Variants in STXBP5L observed in about 807,000 individuals in gnomAD.
STXBP5L encodes syntaxin binding protein 5L.
In STXBP5L, 65 loss-of-function variants were observed where a neutral mutation model predicts 144.5. That is an observed-to-expected ratio of 0.45 (90% confidence interval 0.37 to 0.55). STXBP5L has a LOEUF of 0.55. STXBP5L is among the 20% of genes least tolerant of loss of function. The pLI, the probability that STXBP5L is intolerant of heterozygous loss-of-function variation, is 0.00. For missense variants in STXBP5L, 1,298 were observed against 1,405.5 expected, an observed-to-expected ratio of 0.92 and a Z score of 1.22; for synonymous variants, 505 against 469.6, an observed-to-expected ratio of 1.08 and a Z score of -0.97.
rs187546980 is a variant in STXBP5L, at chr3:121,249,787, C to T, written c.1401-936C>T. The stretch of plus-strand genomic sequence containing the variant: ...GCTCCTGATCTTAGGGGAAAACATG[C>T]AATCTTTCATTATTATGTATGTTAG... On this transcript the variant is annotated intron_variant, in intron 14 of 26. Transcript: ENST00000471454. 1.5e-3 allele frequency among the ~76,000 whole-genome samples: 235 copies of T among 152,134 alleles called. 3 individuals are homozygous for T. Among genetic ancestry groups the T allele is most frequent in the African/African-American group, 5.3e-3 (220 of 41,540 alleles).
At chr3:121,301,873 G>T (rs1382592858) in intron 19 of STXBP5L, among the ~76,000 whole-genome samples, 4 of 152,166 alleles carry the variant, frequency 2.6e-5, no homozygotes, top group African/African-American at 7.2e-5. Flanking sequence ...TGTTGAACCA[G>T]CCTTGCATCC....
At chr3:121,027,192 A>G (rs1946012391) in intron 3 of STXBP5L, among the ~76,000 whole-genome samples, 2 of 151,990 alleles carry the variant, frequency 1.3e-5, no homozygotes, top group Non-Finnish European at 2.9e-5. Flanking sequence ...TGATCAAAAT[A>G]TGTCTCATTC....
intron 22 of STXBP5L, among the ~76,000 whole-genome samples, chr3:121,385,575 A>C (rs1405008948): frequency 6.6e-6 from 1 of 152,132 alleles, no homozygotes; most frequent in East Asian, 1.9e-4. Flanking sequence ...TATTTTTAAC[A>C]CTCTTTCATT....
At chr3:121,061,421 TGTG>T (rs1486609165) in intron 5 of STXBP5L, among the ~76,000 whole-genome samples, 2 of 152,198 alleles carry the variant, frequency 1.3e-5, no homozygotes, top group South Asian at 2.1e-4. Flanking sequence ...ATAAGTATGA[TGTG>T]GTGCTGAGGT....
intron 3 of STXBP5L, among the ~76,000 whole-genome samples, chr3:120,962,389 C>G (rs921640864): frequency 6.6e-6 from 1 of 152,152 alleles, no homozygotes; most frequent in Admixed American, 6.5e-5. Context: ...AGGTTTTCTT[C>G]TAGGGTTTTT....
intron 2 of STXBP5L, among the ~76,000 whole-genome samples, chr3:120,935,151 T>C (rs1325909620): frequency 2.0e-5 from 3 of 151,870 alleles, no homozygotes; most frequent in Non-Finnish European, 4.4e-5. Context: ...TCCTCTCTTA[T>C]TAATTCTACT....
intron 7 of STXBP5L, among the ~76,000 whole-genome samples, chr3:121,133,515 A>T (rs1286275238): frequency 6.6e-6 from 1 of 152,200 alleles, no homozygotes; most frequent in East Asian, 1.9e-4. Flanking sequence ...GTCCATCAAG[A>T]ATAGTATATT....
rs576688298 is a variant in STXBP5L at position 120,935,045 on chromosome 3, T to G, written c.190-19895T>G. 7.2e-5 allele frequency among the ~76,000 whole-genome samples: 11 copies of G among 152,086 alleles called. No homozygotes were observed. The South Asian group carries it at 1.2e-3, about 17-fold the overall frequency. On this transcript the variant is annotated intron_variant, in intron 2 of 26. Coordinates refer to ENST00000471454, the MANE Select transcript of STXBP5L (RefSeq NM_001308330.2). ...ATATCTATCATATTTGTTACCATTT[T>G]TATTTGTTGGCTTTGTTCTTTCTGG... is the stretch of plus-strand genomic sequence containing the variant.
intron 3 of STXBP5L, among the ~76,000 whole-genome samples, chr3:120,967,292 C>T (rs913114754): frequency 5.9e-5 from 9 of 152,174 alleles, no homozygotes; most frequent in Non-Finnish European, 8.8e-5. Flanking sequence ...AGCTCACCCT[C>T]CGTGGGCTGC....
At chr3:121,121,057 T>A (rs927362867) in intron 6 of STXBP5L, among the ~76,000 whole-genome samples, 3 of 151,300 alleles carry the variant, frequency 2.0e-5, no homozygotes, top group South Asian at 2.1e-4. Context: ...CATAATTATC[T>A]GTTATTTATT....
chr3:121,188,888 A>G (rs2047512850), intron 9 of STXBP5L, among the ~76,000 whole-genome samples: 1 of 152,212 alleles, frequency 6.6e-6, no homozygotes, highest in Admixed American at 6.5e-5. Flanking sequence ...ATTCCCTTTG[A>G]AAACTGGCAC....
intron 3 of STXBP5L, among the ~76,000 whole-genome samples, chr3:120,977,313 C>G (rs903611217): frequency 6.6e-6 from 1 of 152,070 alleles, no homozygotes; most frequent in Non-Finnish European, 1.5e-5. Context: ...CCTTCTTTGT[C>G]CCTTTTGATC....
At position 121,270,323 on chromosome 3, in the gene STXBP5L, C is replaced by G. The variant is rs2050699240; in HGVS notation, c.1959-9482C>G. On this transcript the variant is annotated intron_variant, in intron 18 of 26. Transcript: ENST00000471454. ...TCAGGACTATTTTCTACTTCACATA[C>G]CATATTAAATTTCTAGATATGTCCC... Among the ~76,000 whole-genome samples the G allele has an allele frequency of 2.6e-5, 4 of 151,204 alleles. No homozygotes were observed. The South Asian group carries it at 8.4e-4, about 32-fold the overall frequency.
intron 20 of STXBP5L, among the ~76,000 whole-genome samples, chr3:121,329,851 C>A (rs745653166): frequency 6.6e-6 from 1 of 152,132 alleles, no homozygotes; most frequent in Non-Finnish European, 1.5e-5. Context: ...CACAGCAAGA[C>A]CCTGTTCCCC....
chr3:121,263,079 C>T (rs2050437860), intron 18 of STXBP5L, among the ~76,000 whole-genome samples: 1 of 152,204 alleles, frequency 6.6e-6, no homozygotes, highest in Non-Finnish European at 1.5e-5. Flanking sequence ...CTCTGGCTGG[C>T]ATCTGGAGGG....
chr3:121,402,063 A>G (rs1256762577), intron 22 of STXBP5L, among the ~76,000 whole-genome samples: 1 of 152,164 alleles, frequency 6.6e-6, no homozygotes, highest in Admixed American at 6.6e-5. Flanking sequence ...GGCCTAGTGC[A>G]TTTTCATTTT....
At chr3:121,317,247 G>A (rs1429151353) in intron 19 of STXBP5L, among the ~76,000 whole-genome samples, 1 of 152,162 alleles carries the variant, frequency 6.6e-6, no homozygotes, top group Non-Finnish European at 1.5e-5. Context: ...AGTAAGCTTT[G>A]CATTTGGTAT....
intron 11 of STXBP5L, among the ~76,000 whole-genome samples, chr3:121,228,015 C>G (rs1365656597): frequency 6.6e-6 from 1 of 152,134 alleles, no homozygotes; most frequent in East Asian, 1.9e-4. Flanking sequence ...AAAGGCTTAA[C>G]TTAAGATTTG....
intron 5 of STXBP5L, among the ~76,000 whole-genome samples, chr3:121,062,138 G>A (rs1031987433): frequency 6.6e-6 from 1 of 152,106 alleles, no homozygotes; most frequent in African/African-American, 2.4e-5. Context: ...CTTCCTTCAG[G>A]AGCTCTTGAA....
Sources: gnomAD v4.1 joint callset for allele counts (sites outside exome capture counted in the v4.1 genomes callset) on GRCh38, gnomAD v4.1.1 for gene constraint, MANE v1.5 for transcripts, NCBI Gene and HGNC (gene_info 2026-07-23, HGNC 2026-07-21) for gene names.